Variants in PSD observed in about 807,000 individuals in gnomAD.
The protein encoded by PSD is pleckstrin and Sec7 domain containing.
In PSD, 32 loss-of-function variants were observed where a neutral mutation model predicts 91.6. The ratio of observed to expected loss-of-function variants is 0.35; its 90% CI spans 0.26 to 0.47. PSD has a LOEUF of 0.47. PSD is among the 20% of genes least tolerant of loss of function. The pLI is 1.00. For missense variants in PSD, 1,099 were observed against 1,373.9 expected, an observed-to-expected ratio of 0.80 and a Z score of 3.16; for synonymous variants, 532 against 569.3, an observed-to-expected ratio of 0.93 and a Z score of 0.93.
chr10:102,416,011 C>A lies in PSD; in HGVS notation c.757+6G>T. 6.2e-7 allele frequency: 1 copy of A among 1,609,918 alleles called. No individual in the cohort carries two copies. Among genetic ancestry groups the A allele is most frequent in the Non-Finnish European group, 8.5e-7 (1 of 1,177,476 alleles). On this transcript the variant is annotated splice_donor_region_variant and intron_variant, in intron 3 of 16. Coordinates refer to ENST00000020673, the MANE Select transcript of PSD (RefSeq NM_002779.5). This position sits in a 1 kb window ranked among gnomAD's most constrained non-coding sequence, Gnocchi z 6.0. ...CTGTTCTCCCTGCCTCAGTCCCAGG[C>A]CTTACCTGAGCTGGGGGGGTCCAAG... is the stretch of plus-strand genomic sequence containing the variant.
At chr10:102,408,369 G>A (rs1392248284) in intron 10 of PSD, among the ~76,000 whole-genome samples, 2 of 152,108 alleles carry the variant, frequency 1.3e-5, no homozygotes, top group East Asian at 3.9e-4. Context: ...GGCACACACT[G>A]TTCACACCCT....
chr10:102,418,499 T>TTCCTC, intron 1 of PSD, among the ~76,000 whole-genome samples: 1 of 152,112 alleles, frequency 6.6e-6, no homozygotes, highest in Admixed American at 6.5e-5. Context: ...TGCACCCATA[T>TTCCTC]TCCTCTCCTC....
rs968287928 is a variant in PSD at position 102,409,112 on chromosome 10, C to G, written c.2091+1746G>C. ...GATCATGCTGGCCCGGCCGGCGCGC[C>G]GCGGCCCCCGGCCATGCCCCCGTCC... On this transcript the variant is annotated intron_variant, in intron 10 of 16. Transcript: ENST00000020673. This position sits in a 1 kb window ranked among gnomAD's most constrained non-coding sequence, Gnocchi z 5.7. 2.5e-5 allele frequency: 25 copies of G among 982,206 alleles called. No homozygotes were observed. The highest frequency in any genetic ancestry group is 2.8e-5 in the Non-Finnish European group (23 of 828,972). The allele number at this position is 982,206 out of a possible 1,614,324, so 60.8% of individuals were successfully genotyped here.
At position 102,414,822 on chromosome 10, in the gene PSD, C is replaced by T. The variant is rs752413661; in HGVS notation, c.1124+41G>A. On this transcript the variant is annotated intron_variant, in intron 4 of 16. Transcript: ENST00000020673. This position sits in a 1 kb window ranked among gnomAD's most constrained non-coding sequence, Gnocchi z 5.6. The stretch of plus-strand genomic sequence containing the variant: ...TGTGGGCCAGTGCGAAGGAGCAAGC[C>T]GCTTCCCTCTCCCACTTCCCCCTCC... 19 of 1,486,454 alleles carry T rather than the reference C, an allele frequency of 1.3e-5. No homozygotes were observed. The highest frequency in any genetic ancestry group is 8.0e-6 in the Non-Finnish European group (9 of 1,123,518). The allele number at this position is 1,486,454 out of a possible 1,614,324, so 92.1% of individuals were successfully genotyped here.
Position 102,416,295 on chromosome 10 carries a change from A to T in PSD, c.654+90T>A, listed in dbSNP as rs2061479619. ...AGATTTAGAACAGATTAAAGGATTC[A>T]GAGTGAACAGCAGACAAGCCCATGT... On this transcript the variant is annotated intron_variant, in intron 2 of 16. Coordinates refer to ENST00000020673, the MANE Select transcript of PSD (RefSeq NM_002779.5). This position sits in a 1 kb window ranked among gnomAD's most constrained non-coding sequence, Gnocchi z 6.0. 26 of 1,440,996 alleles carry T rather than the reference A, an allele frequency of 1.8e-5. No homozygotes were observed. The highest frequency in any genetic ancestry group is 2.5e-5 in the Non-Finnish European group (26 of 1,056,432). The allele number at this position is 1,440,996 out of a possible 1,614,324, so 89.3% of individuals were successfully genotyped here. A position where few individuals can be genotyped will look rare whatever the true frequency, so the allele number is the denominator to read the frequency against.
chr10:102,417,233 C>T (rs1272572454), intron 1 of PSD, 112 bp from the exon 2 acceptor site: 1 of 571,692 alleles, frequency 1.7e-6, no homozygotes, highest in Non-Finnish European at 3.1e-6. Context: ...AGGGACCTAG[C>T]ACACCCTGGT....
At chr10:102,412,123 G>T in intron 7 of PSD, 24 bp downstream of exon 7, 4 of 1,609,520 alleles carry the variant, frequency 2.5e-6, no homozygotes, top group Non-Finnish European at 3.4e-6. Flanking sequence ...AGTGGGGGCT[G>T]TCCTCCAAGG....
In PSD at chr10:102,402,989, A is replaced by C; in HGVS notation, c.*211T>G. 1 of 335,320 alleles carries C rather than the reference A, an allele frequency of 3.0e-6. No individual in the cohort carries two copies. The allele number at this position is 335,320 out of a possible 1,614,324, so 20.8% of individuals were successfully genotyped here. A position where few individuals can be genotyped will look rare whatever the true frequency, so the allele number is the denominator to read the frequency against. On this transcript the variant is annotated 3_prime_UTR_variant, in exon 17 of 17. Transcript: ENST00000020673. ...CCCACCCTGTACGAAAAAGTGCAAAACATTATCACAAAAAGGGGCTCTCGG... is the reference window on the plus strand; with the variant it reads ...CCCACCCTGTACGAAAAAGTGCAAACCATTATCACAAAAAGGGGCTCTCGG...
rs1298851381 is a variant in PSD, at chr10:102,406,884, T to G, written c.2135+339A>C. ...TTTGTTCTGTGACATCTGGGCTCCC[T>G]AGGACCTGTGAGGGCCTCTTGTGCT... is the stretch of plus-strand genomic sequence containing the variant. On this transcript the variant is annotated intron_variant, in intron 11 of 16. Transcript: ENST00000020673. Among the ~76,000 whole-genome samples the G allele has an allele frequency of 2.6e-5, 4 of 152,182 alleles. No individual in the cohort carries two copies. The East Asian group carries it at 7.7e-4, about 29-fold the overall frequency.
chr10:102,405,102 AG>A lies in PSD; in HGVS notation c.2398-48del. The A allele has an allele frequency of 6.2e-7, 1 of 1,610,902 alleles. No homozygotes were observed. Among genetic ancestry groups the A allele is most frequent in the East Asian group, 2.2e-5 (1 of 44,826 alleles). The stretch of plus-strand genomic sequence containing the variant: ...CCTGGCCCCAAATGCAGCCTGGCCC[AG>A]CCCCTCCTATTCCCACCCATCACCC... On this transcript the variant is annotated intron_variant, in intron 13 of 16. Transcript: ENST00000020673. This position sits in a 1 kb window ranked among gnomAD's most constrained non-coding sequence, Gnocchi z 5.4.
In PSD at chr10:102,416,789, C is replaced by T. The variant is rs1324679164; in HGVS notation, c.250G>A (p.Ala84Thr). The T allele has an allele frequency of 1.3e-6, 2 of 1,595,788 alleles. No homozygotes were observed. The highest frequency in any genetic ancestry group is 1.7e-5 in the Admixed American group (1 of 58,474). The change falls in exon 2 of 17, where the codon GCA (alanine) becomes ACA (threonine). Residue 84 changes from alanine to threonine, a missense_variant. Ala to Thr is a moderately conservative substitution (Grantham distance 58). Transcript: ENST00000020673. The surrounding 1 kb of genome is among the most constrained non-coding windows in gnomAD (Gnocchi z 6.0). ...PSPRVAPSPW[A>T]PSSPTGQPPP... ...GGCTGCCCAGTGGGTGAAGAGGGTG[C>T]CCAGGGTGAGGGAGCAACACGGGGT...
intron 10 of PSD, among the ~76,000 whole-genome samples, chr10:102,408,148 G>A (rs934208190): frequency 2.0e-5 from 3 of 152,190 alleles, no homozygotes; most frequent in Admixed American, 6.5e-5. Flanking sequence ...CAGCCTGTCC[G>A]TGAGTGGGTG....
At chr10:102,408,944 T>C in intron 10 of PSD, 4 of 987,562 alleles carry the variant, frequency 4.1e-6, no homozygotes, top group Non-Finnish European at 4.8e-6. Context: ...CAGGTCGGTG[T>C]AGAGCACGGG....
At position 102,413,938 on chromosome 10, in the gene PSD, C is replaced by T. The variant is rs761021626; in HGVS notation, c.1384G>A (p.Ala462Thr). Residue 462 changes from alanine to threonine, a missense_variant, in exon 5 of 17, where the codon GCC (alanine) becomes ACC (threonine). Transcript: ENST00000020673. The stretch of plus-strand genomic sequence containing the variant: ...GTACCAGAATCCGGTTCAAGAGGGG[C>T]AAGTGGGGCGGGAGCTGGTGGGTCG... Reference protein sequence around the residue: ...RPDPPAPAPLAPLEPDSGTSS... With the variant: ...RPDPPAPAPLTPLEPDSGTSS... 4 of 1,611,960 alleles carry T rather than the reference C, an allele frequency of 2.5e-6. No homozygotes were observed. The African/African-American group carries it at 5.3e-5, about 22-fold the overall frequency.
Position 102,405,468 on chromosome 10 carries a change from A to G in PSD, c.2204T>C (p.Ile735Thr). ...GGAGCCACTGCCACTGCCCCCGCTG[A>G]TCCGCTTGATGACCTTGGGGTTGGG... The part of the protein sequence containing the change: ...ADPNPKVIKR[I>T]SGGSGSGSSP... Residue 735 changes from isoleucine (I) to threonine (T), a missense_variant, in exon 12 of 17, where the codon ATC becomes ACC. Ile to Thr is a moderately conservative substitution (Grantham distance 89). Transcript: ENST00000020673. The surrounding 1 kb of genome is among the most constrained non-coding windows in gnomAD (Gnocchi z 5.4). 1 of 1,613,954 alleles carries G rather than the reference A, an allele frequency of 6.2e-7. No homozygotes were observed. Among genetic ancestry groups the G allele is most frequent in the Non-Finnish European group, 8.5e-7 (1 of 1,180,000 alleles).
chr10:102,403,132 C>G lies in PSD; in HGVS notation c.*68G>C. ...GCCCTCGTGGGTGGCCCGAGGCCGGCCCGGGCTCAGGCAGGGCCATGTCAT... is the reference window on the plus strand; with the variant it reads ...GCCCTCGTGGGTGGCCCGAGGCCGGGCCGGGCTCAGGCAGGGCCATGTCAT... On this transcript the variant is annotated 3_prime_UTR_variant, in exon 17 of 17. Coordinates refer to ENST00000020673, the MANE Select transcript of PSD (RefSeq NM_002779.5). This position sits in a 1 kb window ranked among gnomAD's most constrained non-coding sequence, Gnocchi z 6.7. 7.7e-7 allele frequency: 1 copy of G among 1,306,302 alleles called. No individual in the cohort carries two copies. The highest frequency in any genetic ancestry group is 1.0e-6 in the Non-Finnish European group (1 of 990,390). The allele number at this position is 1,306,302 out of a possible 1,614,324, so 80.9% of individuals were successfully genotyped here. A position where few individuals can be genotyped will look rare whatever the true frequency, so the allele number is the denominator to read the frequency against.
In PSD at chr10:102,403,189, T is replaced by C; in HGVS notation, c.*11A>G. On this transcript the variant is annotated 3_prime_UTR_variant, in exon 17 of 17. Transcript: ENST00000020673. This position sits in a 1 kb window ranked among gnomAD's most constrained non-coding sequence, Gnocchi z 6.7. ...GGTGCCCAGCAGGCACTCCCCACCC[T>C]AAACCTCATCTCAGGGCTTCCGCCG... 1 of 1,535,214 alleles carries C rather than the reference T, an allele frequency of 6.5e-7. No individual in the cohort carries two copies. Among genetic ancestry groups the C allele is most frequent in the Non-Finnish European group, 8.8e-7 (1 of 1,137,238 alleles).
intron 3 of PSD, 78 bp from the exon 4 acceptor site, chr10:102,415,307 C>T (rs2135460316): frequency 6.8e-7 from 1 of 1,461,412 alleles, no homozygotes; most frequent in Non-Finnish European, 9.1e-7. Flanking sequence ...AGGATCTCTG[C>T]CCACTGCCTC....
In PSD at chr10:102,405,497, G is replaced by A. The variant is rs746913329; in HGVS notation, c.2175C>T (p.Ala725=). Residue 725 remains alanine, a synonymous_variant, in exon 12 of 17, where the codon GCC becomes GCT. Transcript: ENST00000020673. This position sits in a 1 kb window ranked among gnomAD's most constrained non-coding sequence, Gnocchi z 5.4. ...EELRRSLSEL[A]DPNPKVIKRI... is the part of the protein sequence containing the mutation. The stretch of plus-strand genomic sequence containing the variant: ...GCTTGATGACCTTGGGGTTGGGGTC[G>A]GCCAACTCAGACAGAGAGCGTCTCA... 2.0e-5 allele frequency: 32 copies of A among 1,613,886 alleles called. No individual in the cohort carries two copies. The highest frequency in any genetic ancestry group is 2.4e-5 in the Non-Finnish European group (28 of 1,179,958).
Sources: allele counts gnomAD v4.1 joint callset (sites outside exome capture counted in the v4.1 genomes callset), GRCh38; gene constraint gnomAD v4.1.1; non-coding constraint Gnocchi (gnomAD v3.1); transcripts MANE v1.5; gene names NCBI Gene and HGNC (gene_info 2026-07-23, HGNC 2026-07-21).